MTAP: variants seen among roughly 807,000 people sequenced by gnomAD.
The protein encoded by MTAP is S-methyl-5'-thioadenosine phosphorylase.
MTAP carries 33 observed loss-of-function variants against 33.6 expected under a neutral mutation model. The observed-to-expected ratio is 0.98, with a 90% confidence interval of 0.74 to 1.31. The LOEUF is 1.31. Ranked by LOEUF, MTAP falls within the 40% of genes most tolerant of loss-of-function variation. The probability of loss-of-function intolerance (pLI) is 0.00; values close to 1 mark genes in which losing one functional copy is unlikely to be tolerated. For missense variants in MTAP, 367 were observed against 360.0 expected (o/e 1.02, Z -0.16); for synonymous variants, 148 against 125.7 (o/e 1.18, Z -1.19).
At chr9:21,822,568 A>G (rs1001196843) in intron 4 of MTAP, among the ~76,000 whole-genome samples, 1 of 152,142 alleles carries the variant, frequency 6.6e-6, no homozygotes, top group Non-Finnish European at 1.5e-5. Flanking sequence ...TCAATTTTGG[A>G]ATAAGTGTGA....
chr9:21,930,574 A>T lies in MTAP; in HGVS notation c.148-434A>T, dbSNP rs533095752. The T allele has an allele frequency of 4.6e-5, 15 of 322,866 alleles. No individual in the cohort carries two copies. In the South Asian group the frequency reaches 8.2e-4, roughly 18 times the overall value. 20.0% of individuals were successfully genotyped at this position (322,866 alleles called of 1,614,324 possible). On this transcript the variant is annotated intron_variant, in intron 1 of 1. Coordinates refer to the MTAP transcript ENST00000577563. ...CTGGTATGGGAACCTAAACTGCCGG[A>T]ATCTCAAAAGCCTCCTTGACCTATA...
intron 4 of MTAP, among the ~76,000 whole-genome samples, chr9:21,823,808 T>G (rs566933132): frequency 1.3e-5 from 2 of 152,362 alleles, no homozygotes; most frequent in Non-Finnish European, 2.9e-5. Flanking sequence ...GCTTCGTTCA[T>G]TTCTTTTTAC....
intron 1 of MTAP, among the ~76,000 whole-genome samples, chr9:21,928,739 TA>T (rs1818907866): frequency 6.6e-6 from 1 of 152,078 alleles, no homozygotes; most frequent in Non-Finnish European, 1.5e-5. Flanking sequence ...GCATCCTCAA[TA>T]ATCTCTGTCA....
chr9:21,829,417 G>GT (rs5896953), intron 4 of MTAP, among the ~76,000 whole-genome samples: 68 of 145,100 alleles, frequency 4.7e-4, no homozygotes, highest in South Asian at 8.7e-4. Flanking sequence ...TTCTTTTGTT[G>GT]TTTTTTTTTT....
rs142555669 is a variant in MTAP at position 21,847,226 on chromosome 9, T to C, written c.451-7405T>C. On this transcript the variant is annotated intron_variant, in intron 5 of 7. Transcript: ENST00000644715. ...CTTGCTCCTCAGCCTGCAGACGGCC[T>C]ATTGTGGGACCTTGTGATAATGTGA... is the stretch of plus-strand genomic sequence containing the variant. Among the ~76,000 whole-genome samples the C allele has an allele frequency of 6.7e-3, 1,026 of 152,308 alleles. 19 individuals are homozygous for C. The highest frequency in any genetic ancestry group is 0.054 in the East Asian group (277 of 5,172).
chr9:21,883,062 CAAG>C (rs973318869), intron 1 of MTAP, among the ~76,000 whole-genome samples: 4 of 148,204 alleles, frequency 2.7e-5, no homozygotes, highest in African/African-American at 7.5e-5. Flanking sequence ...AAGTAGAAAA[CAAG>C]GAGGATACAT....
chr9:21,803,608 C>T (rs1278416701), intron 1 of MTAP, among the ~76,000 whole-genome samples: 19 of 152,116 alleles, frequency 1.2e-4, no homozygotes, highest in Non-Finnish European at 2.1e-4. Context: ...GCTGGCTTCC[C>T]TGGGGTTTTA....
At chr9:21,848,394 G>A (rs796780294) in intron 5 of MTAP, among the ~76,000 whole-genome samples, 6 of 140,462 alleles carry the variant, frequency 4.3e-5, no homozygotes, top group African/African-American at 7.6e-5. Context: ...ATGGTGGAAG[G>A]AAAATGGAGT....
chr9:21,828,067 T>C (rs944962379), intron 4 of MTAP, among the ~76,000 whole-genome samples: 1 of 152,244 alleles, frequency 6.6e-6, no homozygotes, highest in African/African-American at 2.4e-5. Flanking sequence ...ACTGGCTCTT[T>C]CAAGAAAGCA....
intron 1 of MTAP, chr9:21,811,747 G>T (rs997063207): frequency 1.9e-6 from 1 of 531,152 alleles, no homozygotes. Flanking sequence ...TCTCATCCAT[G>T]CCCTCGCCCG....
chr9:21,854,473 G>A (rs1825588439), intron 5 of MTAP, among the ~76,000 whole-genome samples, 158 bp from the exon 6 acceptor site: 1 of 152,170 alleles, frequency 6.6e-6, no homozygotes, highest in Non-Finnish European at 1.5e-5. Flanking sequence ...CCCTTCTGTG[G>A]TCCTCTAGGT....
chr9:21,823,447 C>G (rs1035729006), intron 4 of MTAP, among the ~76,000 whole-genome samples: 3 of 152,208 alleles, frequency 2.0e-5, no homozygotes, highest in African/African-American at 7.2e-5. Context: ...GGCCCCCACT[C>G]TCTTCTGGCT....
At chr9:21,923,197 T>C (rs926162960) in intron 1 of MTAP, among the ~76,000 whole-genome samples, 1 of 152,192 alleles carries the variant, frequency 6.6e-6, no homozygotes, top group Non-Finnish European at 1.5e-5. Context: ...CATTGGCTCA[T>C]TGCCAGGATA....
intron 5 of MTAP, 107 bp from the exon 6 acceptor site, chr9:21,854,524 T>A (rs563757198): frequency 7.1e-7 from 1 of 1,412,292 alleles, no homozygotes; most frequent in East Asian, 2.3e-5. Flanking sequence ...TTTATTATAG[T>A]GACAAATCAT....
Position 21,883,401 on chromosome 9 carries a change from G to T in MTAP, c.147+28531G>T, listed in dbSNP as rs562954234. On this transcript the variant is annotated intron_variant, in intron 1 of 1. Coordinates refer to the MTAP transcript ENST00000577563. ...CTCCAAGTTTGGGCAAAGATGTGGAGCATCAAGAGTTCTCATACAGTGCTA... is the reference window on the plus strand; with the variant it reads ...CTCCAAGTTTGGGCAAAGATGTGGATCATCAAGAGTTCTCATACAGTGCTA... Among the ~76,000 whole-genome samples the T allele has an allele frequency of 4.4e-4, 67 of 152,208 alleles. 1 individual carries two copies. In the South Asian group the frequency reaches 0.014, roughly 31 times the overall value.
At chr9:21,890,047 G>A (rs1385225988) in intron 1 of MTAP, among the ~76,000 whole-genome samples, 1 of 152,074 alleles carries the variant, frequency 6.6e-6, no homozygotes, top group African/African-American at 2.4e-5. Flanking sequence ...AGGGCAGGTA[G>A]AGAAAGACCA....
chr9:21,852,164 T>C (rs1258839826), intron 5 of MTAP, among the ~76,000 whole-genome samples: 2 of 152,200 alleles, frequency 1.3e-5, no homozygotes, highest in Non-Finnish European at 2.9e-5. Context: ...AATATCGTTA[T>C]GTCCTCATTT....
chr9:21,875,171 A>G (rs961034927), intron 1 of MTAP, among the ~76,000 whole-genome samples: 18 of 152,168 alleles, frequency 1.2e-4, no homozygotes, highest in Non-Finnish European at 1.8e-4. Flanking sequence ...AGAATGATTT[A>G]TAATCCTTTG....
intron 1 of MTAP, among the ~76,000 whole-genome samples, chr9:21,887,582 G>A (rs972994170): frequency 2.0e-5 from 3 of 152,198 alleles, no homozygotes. Flanking sequence ...ACATGTGCAT[G>A]TGTCTTTATA....
Sources: gnomAD v4.1 joint callset for allele counts (sites outside exome capture counted in the v4.1 genomes callset) on GRCh38, gnomAD v4.1.1 for gene constraint, MANE v1.5 for transcripts, NCBI Gene and HGNC (gene_info 2026-07-23, HGNC 2026-07-21) for gene names.